GLYR1: variants seen among roughly 807,000 people sequenced by gnomAD.
GLYR1 encodes cytokine-like nuclear factor N-PAC.
Under a neutral mutation model 72.7 loss-of-function variants are expected in GLYR1, and 21 were observed. The ratio of observed to expected loss-of-function variants is 0.29; its 90% CI spans 0.20 to 0.42. The LOEUF (loss-of-function observed/expected upper bound fraction) is 0.42. Ranked by LOEUF, GLYR1 falls within the 10% of genes least tolerant of loss-of-function variation. The pLI, the probability that GLYR1 is intolerant of heterozygous loss-of-function variation, is 1.00. For missense variants in GLYR1, 594 were observed against 712.1 expected, an observed-to-expected ratio of 0.83 and a Z score of 1.89; for synonymous variants, 392 against 270.2, an observed-to-expected ratio of 1.45 and a Z score of -4.42.
intron 1 of GLYR1, chr16:4,846,816 C>G: frequency 3.6e-6 from 1 of 277,660 alleles, no homozygotes; most frequent in Non-Finnish European, 6.9e-6. Flanking sequence ...GGCTGCATCG[C>G]AACCTGGGCT....
At chr16:4,829,829 C>T (rs1596367924) in intron 5 of GLYR1, among the ~76,000 whole-genome samples, 1 of 152,132 alleles carries the variant, frequency 6.6e-6, no homozygotes, top group African/African-American at 2.4e-5. Context: ...CGTGCCACCA[C>T]ACTCGGGTAA....
intron 10 of GLYR1, 64 bp downstream of exon 10, chr16:4,817,534 A>C (rs2083726398): frequency 1.1e-6 from 1 of 925,076 alleles, no homozygotes; most frequent in Non-Finnish European, 1.8e-6. Context: ...ACAGGGGGAG[A>C]TGTCCACTCT....
rs2085363121 is a variant in GLYR1, at chr16:4,839,151, CA to C, written c.155+5922del. On this transcript the variant is annotated intron_variant, in intron 3 of 15. Coordinates refer to ENST00000321919, the MANE Select transcript of GLYR1 (RefSeq NM_032569.4). The stretch of plus-strand genomic sequence containing the variant: ...AGGAGAAAGGGCGGGGAGAAGATGG[CA>C]GGGGGAGGGAGACAGACAGAGAAAA... The C allele has an allele frequency of 2.0e-5, 3 of 152,634 alleles. No homozygotes were observed. The Admixed American group carries it at 2.0e-4, about 10-fold the overall frequency. 9.5% of individuals were successfully genotyped at this position (152,634 alleles called of 1,614,324 possible). A position where few individuals can be genotyped will look rare whatever the true frequency, so the allele number is the denominator to read the frequency against.
At position 4,810,698 on chromosome 16, in the gene GLYR1, C is replaced by CT. The variant is rs1567653560; in HGVS notation, c.1587+471dup. 7.4e-3 allele frequency among the ~76,000 whole-genome samples: 130 copies of CT among 17,646 alleles called. 3 individuals are homozygous for CT. Among genetic ancestry groups the CT allele is most frequent in the African/African-American group, 0.029 (126 of 4,320 alleles). 11.6% of individuals were successfully genotyped at this position (17,646 alleles called of 152,430 possible). ...CTAACATGGTGAAACCCTGTCTCTA[C>CT]TAAAAAAAAAAAAAAAAAAAAAAAA... On this transcript the variant is annotated intron_variant, in intron 15 of 15. Transcript: ENST00000321919.
chr16:4,804,957 G>A lies in GLYR1; in HGVS notation c.*279C>T, dbSNP rs1388469686. 5.7e-6 allele frequency: 3 copies of A among 527,756 alleles called. No homozygotes were observed. Among genetic ancestry groups the A allele is most frequent in the Non-Finnish European group, 1.0e-5 (3 of 290,206 alleles). 32.7% of individuals were successfully genotyped at this position (527,756 alleles called of 1,614,324 possible). On this transcript the variant is annotated 3_prime_UTR_variant, in exon 16 of 16. Transcript: ENST00000321919. ...CCTGTGTGTGTGTGTGTGTGTGTGT[G>A]TGTGTGTGTGTGTGAACACACAGCC... is the stretch of plus-strand genomic sequence containing the variant.
chr16:4,847,248 C>G lies in GLYR1; in HGVS notation c.18G>C (p.Leu6=), dbSNP rs550532519. The G allele has an allele frequency of 2.5e-6, 4 of 1,610,026 alleles. No individual in the cohort carries two copies. In the South Asian group the frequency reaches 3.3e-5, roughly 13 times the overall value. The change falls in exon 1 of 16, where the codon CTG becomes CTC. Residue 6 remains leucine, a synonymous_variant. Coordinates refer to ENST00000321919, the MANE Select transcript of GLYR1 (RefSeq NM_032569.4). ...CTCACCACACCAAGTCGCCGAGCCG[C>G]AGACTCACAGCCGCCATCTTACCAC... is the stretch of plus-strand genomic sequence containing the variant. MAAVS[L]RLGDLVWGKL...
intron 1 of GLYR1, 166 bp downstream of exon 1, chr16:4,847,062 G>A: frequency 1.5e-6 from 1 of 662,306 alleles, no homozygotes; most frequent in East Asian, 2.9e-5. Flanking sequence ...CCCGGGACTG[G>A]ACTGCCCCTT....
intron 3 of GLYR1, chr16:4,839,457 C>G (rs2085387153): frequency 6.6e-6 from 1 of 152,166 alleles, no homozygotes; most frequent in African/African-American, 2.4e-5. Context: ...ACTAATCAGA[C>G]CTGTCAGAGA....
At chr16:4,812,007 T>G (rs1388177913) in intron 13 of GLYR1, 79 bp downstream of exon 13, 1 of 1,533,728 alleles carries the variant, frequency 6.5e-7, no homozygotes, top group Non-Finnish European at 8.8e-7. Flanking sequence ...AAAGGCCGTG[T>G]GGGACTGACG....
intron 15 of GLYR1, 91 bp downstream of exon 15, chr16:4,811,079 T>G: frequency 6.8e-7 from 1 of 1,479,778 alleles, no homozygotes; most frequent in Non-Finnish European, 9.0e-7. Flanking sequence ...CACTCTAGCC[T>G]GGGTGACAGA....
chr16:4,808,354 A>T (rs2141940897), intron 15 of GLYR1, among the ~76,000 whole-genome samples: 1 of 152,168 alleles, frequency 6.6e-6, no homozygotes, highest in South Asian at 2.1e-4. Flanking sequence ...CCCAGCACTT[A>T]GGTAGGCTGA....
Position 4,811,792 on chromosome 16 carries a change from G to T in GLYR1, c.1293C>A (p.Gly431=). 2 of 1,612,802 alleles carry T rather than the reference G, an allele frequency of 1.2e-6. No homozygotes were observed. The highest frequency in any genetic ancestry group is 1.7e-6 in the Non-Finnish European group (2 of 1,179,294). The part of the protein sequence containing the change: ...GKTSFFLGEV[G]NAAKMMLIVN... ...CGATCAGCATCATCTTGGCTGCATT[G>T]CCCACTTCACCTGCCCAGGGTAAAG... The change falls in exon 14 of 16, where the codon GGC becomes GGA. Residue 431 remains glycine, a synonymous_variant. Transcript: ENST00000321919.
At position 4,811,639 on chromosome 16, in the gene GLYR1, C is replaced by T. The variant is rs1004446506; in HGVS notation, c.1446G>A (p.Leu482=). The change falls in exon 14 of 16, where the codon CTG becomes CTA. Residue 482 remains leucine (L), a synonymous_variant. Coordinates refer to ENST00000321919, the MANE Select transcript of GLYR1 (RefSeq NM_032569.4). ...ACAACTCACTTTGGCACTTCTGGTC[C>T]AGGAAGATGCTGGCCAACTGTCCCT... The part of the protein sequence containing the change: ...LNQGQLASIF[L]DQKCQNILQG... The T allele has an allele frequency of 6.2e-7, 1 of 1,614,044 alleles. No homozygotes were observed. The highest frequency in any genetic ancestry group is 8.5e-7 in the Non-Finnish European group (1 of 1,180,054).
At chr16:4,832,392 A>AAT (rs2142016199) in intron 4 of GLYR1, 171 bp from the exon 5 acceptor site, 2 of 770,162 alleles carry the variant, frequency 2.6e-6, no homozygotes, top group Non-Finnish European at 4.1e-6. Flanking sequence ...AGATTTAAAA[A>AAT]ATATATATAT....
intron 3 of GLYR1, among the ~76,000 whole-genome samples, chr16:4,836,847 A>G (rs1020460779): frequency 2.0e-5 from 3 of 151,826 alleles, no homozygotes; most frequent in African/African-American, 7.3e-5. Context: ...AATCAATACT[A>G]AAGGCCTCTG....
At chr16:4,812,963 ATTTT>A (rs777147624) in intron 12 of GLYR1, among the ~76,000 whole-genome samples, 26 of 98,476 alleles carry the variant, frequency 2.6e-4, no homozygotes, top group Middle Eastern at 6.3e-3. Flanking sequence ...TGCCTGGCTA[ATTTT>A]TTTTTTTTTT....
chr16:4,842,117 G>A (rs758873495), intron 3 of GLYR1, among the ~76,000 whole-genome samples: 21 of 152,066 alleles, frequency 1.4e-4, no homozygotes, highest in African/African-American at 1.9e-4. Context: ...GGTGGTGTGC[G>A]CCTGTAGTCC....
intron 7 of GLYR1, 176 bp from the exon 8 acceptor site, chr16:4,821,773 C>T: frequency 3.1e-6 from 2 of 635,524 alleles, no homozygotes; most frequent in East Asian, 2.7e-5. Context: ...TCATTCAAGT[C>T]CCCATGCAAT....
intron 15 of GLYR1, among the ~76,000 whole-genome samples, chr16:4,808,337 C>A (rs2083120303): frequency 6.6e-6 from 1 of 152,114 alleles, no homozygotes; most frequent in African/African-American, 2.4e-5. Context: ...TGGCTCACGC[C>A]TGTAATCCCA....
Sources: allele counts gnomAD v4.1 joint callset (sites outside exome capture counted in the v4.1 genomes callset), GRCh38; gene constraint gnomAD v4.1.1; transcripts MANE v1.5; gene names NCBI Gene and HGNC (gene_info 2026-07-23, HGNC 2026-07-21).